Variants in SLC25A48 observed in about 807,000 individuals in gnomAD.
The protein encoded by SLC25A48 is CTC-321K16.1.
Under a neutral mutation model 32.2 loss-of-function variants are expected in SLC25A48, and 29 were observed. That is an observed-to-expected ratio of 0.90 (90% CI 0.67 to 1.23). The LOEUF (loss-of-function observed/expected upper bound fraction) is 1.23. Among genes scored for constraint, SLC25A48 ranks in the 50% most tolerant of loss-of-function variants. The pLI, the probability that SLC25A48 is intolerant of heterozygous loss-of-function variation, is 0.00. For synonymous variants in SLC25A48, 164 were observed against 172.3 expected, an observed-to-expected ratio of 0.95 and a Z score of 0.38; for missense variants, 399 against 422.7, an observed-to-expected ratio of 0.94 and a Z score of 0.49.
intron 3 of SLC25A48, among the ~76,000 whole-genome samples, chr5:135,764,066 G>A (rs918058438): frequency 1.3e-5 from 2 of 152,050 alleles, no homozygotes; most frequent in African/African-American, 4.8e-5. Context: ...TAATATCCAG[G>A]AAGAAAGAGC....
At chr5:135,762,663 A>C (rs1320514786) in intron 3 of SLC25A48, among the ~76,000 whole-genome samples, 2 of 152,024 alleles carry the variant, frequency 1.3e-5, no homozygotes, top group East Asian at 3.8e-4. Flanking sequence ...TGTGAATGTG[A>C]GTGCAGGAGT....
At chr5:135,622,707 G>T (rs1457160255) in intron 1 of SLC25A48, among the ~76,000 whole-genome samples, 1 of 152,114 alleles carries the variant, frequency 6.6e-6, no homozygotes, top group Non-Finnish European at 1.5e-5. Context: ...GCAATTTTAT[G>T]TTCTTTACAC....
intron 3 of SLC25A48, among the ~76,000 whole-genome samples, chr5:135,695,718 CG>C (rs1754249555): frequency 6.6e-6 from 1 of 152,172 alleles, no homozygotes; most frequent in Non-Finnish European, 1.5e-5. Context: ...GGACCCCAGC[CG>C]GAGGACAGAG....
chr5:135,767,898 G>A (rs1756285226), intron 3 of SLC25A48, among the ~76,000 whole-genome samples: 1 of 147,284 alleles, frequency 6.8e-6, no homozygotes, highest in Non-Finnish European at 1.5e-5. Flanking sequence ...CAAAGAAGAG[G>A]ATACTACTTC....
intron 3 of SLC25A48, among the ~76,000 whole-genome samples, chr5:135,691,107 G>A (rs187237624): frequency 1.8e-4 from 28 of 152,280 alleles, no homozygotes; most frequent in Admixed American, 5.2e-4. Context: ...TGAGCTTTCC[G>A]TTTCCCGTCA....
intron 3 of SLC25A48, among the ~76,000 whole-genome samples, chr5:135,733,211 G>A (rs1448069142): frequency 6.6e-6 from 1 of 152,198 alleles, no homozygotes; most frequent in African/African-American, 2.4e-5. Context: ...AGGTGTGGAA[G>A]ATACTATAGC....
intron 1 of SLC25A48, among the ~76,000 whole-genome samples, chr5:135,608,700 G>C (rs1751997677): frequency 6.6e-6 from 1 of 152,226 alleles, no homozygotes; most frequent in African/African-American, 2.4e-5. Flanking sequence ...GATAGAAGTG[G>C]CTAGGCTGAG....
chr5:135,827,917 A>G (rs560492829), intron 4 of SLC25A48, among the ~76,000 whole-genome samples: 1 of 152,294 alleles, frequency 6.6e-6, no homozygotes, highest in African/African-American at 2.4e-5. Flanking sequence ...GTTGGGAGGT[A>G]TCTATGTCTA....
intron 3 of SLC25A48, among the ~76,000 whole-genome samples, chr5:135,712,640 C>A (rs1459638176): frequency 6.6e-6 from 1 of 152,180 alleles, no homozygotes; most frequent in Non-Finnish European, 1.5e-5. Flanking sequence ...CAAACAGTTT[C>A]AACTGAGGCT....
At chr5:135,850,646 C>T (rs928013543) in intron 3 of SLC25A48, 150 bp downstream of exon 3, 1 of 688,744 alleles carries the variant, frequency 1.5e-6, no homozygotes, top group African/African-American at 1.8e-5. Flanking sequence ...TCTCACACCA[C>T]ACCTCAAATA....
At chr5:135,877,275 AC>A (rs1420758731) in intron 6 of SLC25A48, among the ~76,000 whole-genome samples, 1 of 152,116 alleles carries the variant, frequency 6.6e-6, no homozygotes, top group Non-Finnish European at 1.5e-5. Flanking sequence ...ATCTGAAATA[AC>A]CAGGCTGGTG....
chr5:135,833,836 G>T (rs1028140853), upstream of SLC25A48, among the ~76,000 whole-genome samples: 2 of 152,278 alleles, frequency 1.3e-5, no homozygotes, highest in Admixed American at 1.3e-4. Context: ...GAAGAAGGAG[G>T]TCTGGCTGGC....
At chr5:135,625,275 T>G (rs1752418702) in intron 1 of SLC25A48, among the ~76,000 whole-genome samples, 1 of 151,984 alleles carries the variant, frequency 6.6e-6, no homozygotes, top group African/African-American at 2.4e-5. Flanking sequence ...GCACAGAGGC[T>G]GCACAGCACC....
chr5:135,612,125 A>G (rs1752087298), intron 1 of SLC25A48, among the ~76,000 whole-genome samples: 1 of 152,236 alleles, frequency 6.6e-6, no homozygotes, highest in African/African-American at 2.4e-5. Context: ...TAAAATACCT[A>G]AAATAAGCAG....
At chr5:135,844,949 T>C (rs934691957) in intron 2 of SLC25A48, among the ~76,000 whole-genome samples, 4 of 152,128 alleles carry the variant, frequency 2.6e-5, no homozygotes, top group Non-Finnish European at 5.9e-5. Context: ...TTAATATAAG[T>C]GAGTTGGTAA....
At chr5:135,818,866 T>C (rs1347320747) in intron 4 of SLC25A48, among the ~76,000 whole-genome samples, 3 of 151,714 alleles carry the variant, frequency 2.0e-5, no homozygotes, top group African/African-American at 7.3e-5. Context: ...AAGTTCTCAA[T>C]AGAGAAATAG....
chr5:135,738,885 C>A (rs1409451688), intron 3 of SLC25A48, among the ~76,000 whole-genome samples: 2 of 152,168 alleles, frequency 1.3e-5, no homozygotes, highest in Non-Finnish European at 2.9e-5. Flanking sequence ...AGTTCGAGAC[C>A]AGCCTTGCCA....
intron 1 of SLC25A48, among the ~76,000 whole-genome samples, chr5:135,583,561 C>T (rs1009346088): frequency 2.0e-5 from 3 of 151,772 alleles, no homozygotes; most frequent in African/African-American, 7.3e-5. Context: ...CACAACTGGC[C>T]TTCATTGTAC....
chr5:135,733,640 G>C (rs1755285207), intron 3 of SLC25A48, among the ~76,000 whole-genome samples: 1 of 152,206 alleles, frequency 6.6e-6, no homozygotes, highest in Non-Finnish European at 1.5e-5. Flanking sequence ...GGCTAAAACA[G>C]TAAGGTCAAG....
Sources: allele counts gnomAD v4.1 joint callset (sites outside exome capture counted in the v4.1 genomes callset), GRCh38; gene constraint gnomAD v4.1.1; transcripts MANE v1.5; gene names NCBI Gene and HGNC (gene_info 2026-07-23, HGNC 2026-07-21).